SLC2A9: variants seen among roughly 807,000 people sequenced by gnomAD.
SLC2A9 encodes the protein solute carrier family 2, facilitated glucose transporter member 9.
SLC2A9 carries 39 observed loss-of-function variants against 50.6 expected under a neutral mutation model. The observed-to-expected ratio is 0.77, with a 90% CI of 0.60 to 1.01. The LOEUF (loss-of-function observed/expected upper bound fraction) is 1.01. Ranked by LOEUF, SLC2A9 falls within the 50% of genes least tolerant of loss-of-function variation. The pLI is 0.00. For missense variants in SLC2A9, 686 were observed against 677.6 expected (o/e 1.01, Z -0.14); for synonymous variants, 324 against 276.9 (o/e 1.17, Z -1.69).
chr4:9,820,583 T>A (rs1289236151), intron 3 of SLC2A9, among the ~76,000 whole-genome samples: 1 of 152,238 alleles, frequency 6.6e-6, no homozygotes, highest in African/African-American at 2.4e-5. Context: ...ACAGTGTATC[T>A]TTCCATTTAT....
chr4:9,859,903 G>A (rs1369393212), intron 10 of SLC2A9, among the ~76,000 whole-genome samples: 7 of 152,224 alleles, frequency 4.6e-5, no homozygotes, highest in South Asian at 4.1e-4. Flanking sequence ...CTGCAAGGCC[G>A]AACCATTTCC....
chr4:9,830,897 C>G (rs1370817271), intron 11 of SLC2A9, among the ~76,000 whole-genome samples: 1 of 152,184 alleles, frequency 6.6e-6, no homozygotes, highest in Non-Finnish European at 1.5e-5. Flanking sequence ...ACAGTTGCCT[C>G]CCTTCTCTGT....
intron 5 of SLC2A9, among the ~76,000 whole-genome samples, chr4:9,963,947 T>G (rs889511329): frequency 2.2e-4 from 33 of 152,236 alleles, no homozygotes; most frequent in Middle Eastern, 3.4e-3. Context: ...AATTCCAATG[T>G]GCTGTCTATT....
At chr4:9,971,646 C>T (rs998679114) in intron 5 of SLC2A9, among the ~76,000 whole-genome samples, 1 of 152,076 alleles carries the variant, frequency 6.6e-6, no homozygotes, top group African/African-American at 2.4e-5. Context: ...AACCTAACTA[C>T]AAAATGGTTA....
At chr4:9,913,114 G>A (rs947766191) in intron 7 of SLC2A9, among the ~76,000 whole-genome samples, 1 of 152,172 alleles carries the variant, frequency 6.6e-6, no homozygotes, top group Admixed American at 6.5e-5. Context: ...CCAACACCTT[G>A]ATTTTAGGAC....
downstream of SLC2A9, among the ~76,000 whole-genome samples, chr4:9,823,656 G>C (rs910972597): frequency 2.0e-5 from 3 of 152,170 alleles, no homozygotes; most frequent in Non-Finnish European, 4.4e-5. Context: ...GACACTAAAA[G>C]AAAGAATACC....
chr4:9,876,927 A>G, intron 10 of SLC2A9, among the ~76,000 whole-genome samples: 1 of 152,324 alleles, frequency 6.6e-6, no homozygotes, highest in East Asian at 1.9e-4. Context: ...ATTTCCATTT[A>G]ATTTTCATTA....
At chr4:9,853,548 T>A (rs990782335) in intron 10 of SLC2A9, among the ~76,000 whole-genome samples, 1 of 152,112 alleles carries the variant, frequency 6.6e-6, no homozygotes, top group Non-Finnish European at 1.5e-5. Flanking sequence ...CACACAATAA[T>A]AGCAGGAGAT....
intron 2 of SLC2A9, among the ~76,000 whole-genome samples, chr4:10,004,450 T>C (rs1460149772): frequency 6.6e-6 from 1 of 151,682 alleles, no homozygotes; most frequent in African/African-American, 2.4e-5. Context: ...ACCAAGACGC[T>C]GAGAATGTGT....
chr4:9,882,191 G>A (rs1466651757), intron 10 of SLC2A9, among the ~76,000 whole-genome samples: 2 of 152,128 alleles, frequency 1.3e-5, no homozygotes, highest in African/African-American at 4.8e-5. Context: ...ACACAAACAG[G>A]ACTGATTTAT....
intron 1 of SLC2A9, among the ~76,000 whole-genome samples, chr4:10,027,461 C>T (rs906425531): frequency 6.6e-6 from 1 of 152,188 alleles, no homozygotes; most frequent in Non-Finnish European, 1.5e-5. Flanking sequence ...CTTCCATTCT[C>T]CCCTCAGCAC....
intron 1 of SLC2A9, chr4:9,771,498 C>G: frequency 2.5e-6 from 1 of 398,804 alleles, no homozygotes; most frequent in Non-Finnish European, 4.4e-6. Flanking sequence ...GCCAAAGAGT[C>G]TGGGAAGCAT....
At chr4:10,004,908 G>C (rs930677164) in intron 2 of SLC2A9, among the ~76,000 whole-genome samples, 1 of 152,202 alleles carries the variant, frequency 6.6e-6, no homozygotes, top group African/African-American at 2.4e-5. Context: ...CACTGTGGTA[G>C]GTAACCTCTA....
intron 1 of SLC2A9, chr4:10,035,765 A>ACC (rs1764084210): frequency 1.4e-5 from 2 of 147,010 alleles, no homozygotes. Flanking sequence ...AAAAAAAGGC[A>ACC]TTTCTTTTGT....
intron 11 of SLC2A9, among the ~76,000 whole-genome samples, chr4:9,832,428 T>C (rs1726322026): frequency 1.3e-5 from 2 of 152,204 alleles, no homozygotes; most frequent in African/African-American, 4.8e-5. Context: ...CACAAAATAC[T>C]AAACGTATCT....
intron 6 of SLC2A9, among the ~76,000 whole-genome samples, chr4:9,934,872 TG>T (rs1314759070): frequency 3.9e-5 from 6 of 152,182 alleles, no homozygotes; most frequent in African/African-American, 1.4e-4. Context: ...ATGTTCTCAT[TG>T]TTCAGCTCCC....
chr4:9,835,064 A>G (rs527621285), intron 10 of SLC2A9, 56 bp from the exon 11 acceptor site: 126 of 1,611,408 alleles, frequency 7.8e-5, no homozygotes, highest in Non-Finnish European at 1.0e-4. Context: ...TCATGCCTCC[A>G]GCATCCATCT....
intron 10 of SLC2A9, among the ~76,000 whole-genome samples, chr4:9,845,427 C>CTTTTTTTTTTTTTTTTTTTTTTTTTTT (rs1175166447): frequency 1.8e-5 from 2 of 108,692 alleles, no homozygotes; most frequent in Non-Finnish European, 3.6e-5. Context: ...TCATCAATTT[C>CTTTTTTTTTTTTTTTTTTTTTTTTTTT]TTTTTTTTTT....
chr4:9,949,129 C>T (rs1371497815), intron 5 of SLC2A9, among the ~76,000 whole-genome samples: 1 of 152,188 alleles, frequency 6.6e-6, no homozygotes, highest in Admixed American at 6.5e-5. Context: ...GTACCAATTT[C>T]CATTAAAGCA....
Sources: allele counts gnomAD v4.1 joint callset (sites outside exome capture counted in the v4.1 genomes callset), GRCh38; gene constraint gnomAD v4.1.1; transcripts MANE v1.5; gene names NCBI Gene and HGNC (gene_info 2026-07-23, HGNC 2026-07-21).